The following ANXA8 variants were observed in gnomAD, a reference collection of about 807,000 sequenced individuals.
The protein encoded by ANXA8 is annexin A8.
ANXA8 carries 9 observed loss-of-function variants against 26.8 expected under a neutral mutation model. The observed-to-expected ratio is 0.34, with a 90% CI of 0.20 to 0.59. The LOEUF is 0.59. ANXA8 is among the 20% of genes least tolerant of loss of function. The pLI, the probability that ANXA8 is intolerant of heterozygous loss-of-function variation, is 0.84. For missense variants in ANXA8, 83 were observed against 238.5 expected (o/e 0.35, Z 4.29); for synonymous variants, 39 against 94.8 (o/e 0.41, Z 3.42).
the ANXA8 span, among the ~76,000 whole-genome samples, chr10:47,744,594 A>G: frequency 6.6e-6 from 1 of 151,746 alleles, no homozygotes; most frequent in Non-Finnish European, 1.5e-5. Context: ...TGATTTGGGC[A>G]AATAATTCCA....
chr10:47,599,542 AC>A, the ANXA8 span: 1 of 146,758 alleles, frequency 6.8e-6, no homozygotes, highest in Non-Finnish European at 1.5e-5. Flanking sequence ...AAAAGATTTG[AC>A]AAAAACTAGT....
chr10:47,632,368 T>C, the ANXA8 span, among the ~76,000 whole-genome samples: 1 of 150,266 alleles, frequency 6.7e-6, no homozygotes, highest in Non-Finnish European at 1.5e-5. Flanking sequence ...TTTGTTTTAA[T>C]AAAGGATGAA....
At chr10:47,597,715 A>G in the ANXA8 span, among the ~76,000 whole-genome samples, 1 of 124,302 alleles carries the variant, frequency 8.0e-6, no homozygotes, top group Non-Finnish European at 1.6e-5. Flanking sequence ...AAGGAGGTAA[A>G]AGATCTCTTT....
At chr10:47,659,844 C>T in the ANXA8 span, among the ~76,000 whole-genome samples, 2 of 151,550 alleles carry the variant, frequency 1.3e-5, no homozygotes, top group South Asian at 4.1e-4. Flanking sequence ...GCAACCTCCG[C>T]CTCCCAGGCT....
the ANXA8 span, among the ~76,000 whole-genome samples, chr10:47,682,492 C>T: frequency 2.0e-4 from 24 of 120,348 alleles, no homozygotes; most frequent in Admixed American, 3.5e-4. Flanking sequence ...TTTTTTGTGA[C>T]GGAGTCTCGC....
the ANXA8 span, chr10:47,923,017 G>GC: frequency 5.5e-6 from 3 of 549,510 alleles, no homozygotes; most frequent in South Asian, 2.0e-5. Flanking sequence ...CCAGCAGAGC[G>GC]CCCCCCTGGA....
intron 1 of ANXA8, among the ~76,000 whole-genome samples, chr10:47,481,224 TTG>T: frequency 1.0e-5 from 1 of 97,572 alleles, no homozygotes; most frequent in African/African-American, 3.9e-5. Flanking sequence ...TTCAAGCCCC[TTG>T]TGTGTGCCAG....
the ANXA8 span, among the ~76,000 whole-genome samples, chr10:47,976,693 T>G: frequency 2.7e-5 from 4 of 149,228 alleles, no homozygotes; most frequent in Non-Finnish European, 4.5e-5. Flanking sequence ...TACTATTTGA[T>G]CTGTCTGACA....
chr10:47,645,587 A>G, the ANXA8 span, among the ~76,000 whole-genome samples: 1 of 151,610 alleles, frequency 6.6e-6, no homozygotes, highest in Admixed American at 6.6e-5. Context: ...TCATGTGTCT[A>G]TTTAAATTAA....
chr10:47,693,391 G>GC, the ANXA8 span, among the ~76,000 whole-genome samples: 1 of 150,946 alleles, frequency 6.6e-6, no homozygotes, highest in African/African-American at 2.4e-5. Context: ...CCGGGTTCAC[G>GC]CCATTTTCCT....
the ANXA8 span, among the ~76,000 whole-genome samples, chr10:47,671,138 T>A: frequency 6.6e-6 from 1 of 152,062 alleles, no homozygotes; most frequent in Admixed American, 6.5e-5. Context: ...AAAGATTATA[T>A]TTTGCCAGGT....
the ANXA8 span, among the ~76,000 whole-genome samples, chr10:47,587,196 T>C: frequency 1.5e-5 from 2 of 131,360 alleles, no homozygotes; most frequent in African/African-American, 3.0e-5. Flanking sequence ...AGAGGAAGAC[T>C]CTGTCTCAAA....
chr10:47,502,299 G>A, the ANXA8 span: 2 of 1,602,116 alleles, frequency 1.2e-6, no homozygotes, highest in South Asian at 1.1e-5. Context: ...CCTCACGGGA[G>A]CCATGTGCCA....
the ANXA8 span, among the ~76,000 whole-genome samples, chr10:47,738,187 G>A: frequency 6.8e-6 from 1 of 147,564 alleles, no homozygotes; most frequent in Non-Finnish European, 1.5e-5. Context: ...TATGTACCCA[G>A]GAGTGGAATT....
chr10:47,976,357 T>A, the ANXA8 span, among the ~76,000 whole-genome samples: 3 of 151,320 alleles, frequency 2.0e-5, no homozygotes, highest in Non-Finnish European at 4.4e-5. Flanking sequence ...AATTTTGTGG[T>A]GTTTTAATTT....
At chr10:47,733,540 C>T in the ANXA8 span, among the ~76,000 whole-genome samples, 5 of 124,172 alleles carry the variant, frequency 4.0e-5, no homozygotes, top group Non-Finnish European at 6.5e-5. Flanking sequence ...TCATGCCTTT[C>T]TTAGAAGAAA....
chr10:47,551,484 G>A, the ANXA8 span, among the ~76,000 whole-genome samples: 2 of 151,762 alleles, frequency 1.3e-5, no homozygotes, highest in South Asian at 4.2e-4. Context: ...TATCACCATA[G>A]AAACAGTTTA....
At chr10:47,566,442 C>G in the ANXA8 span, among the ~76,000 whole-genome samples, 56 of 151,912 alleles carry the variant, frequency 3.7e-4, no homozygotes, top group South Asian at 5.8e-3. Flanking sequence ...CCCTTCTTCC[C>G]CCACCCACCG....
At chr10:47,519,350 C>T in the ANXA8 span, among the ~76,000 whole-genome samples, 7 of 114,510 alleles carry the variant, frequency 6.1e-5, 3 homozygotes, top group East Asian at 3.3e-3. Flanking sequence ...CACCTATAGT[C>T]CCAACTACTC....
Sources: allele counts gnomAD v4.1 joint callset (sites outside exome capture counted in the v4.1 genomes callset), GRCh38; gene constraint gnomAD v4.1.1; transcripts MANE v1.5; gene names NCBI Gene and HGNC (gene_info 2026-07-23, HGNC 2026-07-21).